Variants in ATP2C2 observed in about 807,000 individuals in gnomAD.
The protein encoded by ATP2C2 is calcium-transporting ATPase type 2C member 2.
A neutral mutation model predicts 110.8 loss-of-function variants in ATP2C2; 171 were observed. The ratio of observed to expected loss-of-function variants is 1.54; its 90% CI spans 1.36 to 1.75. ATP2C2 has a LOEUF of 1.75. Ranked by LOEUF, ATP2C2 falls within the 40% of genes most tolerant of loss-of-function variation. ATP2C2 has a pLI of 0.00. For missense variants in ATP2C2, 1,963 were observed against 1,235.0 expected (o/e 1.59, Z -8.84); for synonymous variants, 804 against 508.4 (o/e 1.58, Z -7.82).
chr16:84,433,200 T>G (rs1908431685), intron 11 of ATP2C2, among the ~76,000 whole-genome samples: 1 of 151,924 alleles, frequency 6.6e-6, no homozygotes, highest in Admixed American at 6.6e-5. Flanking sequence ...GACAACATAG[T>G]GAGACTGTCT....
chr16:84,434,727 A>C (rs1057288789), intron 11 of ATP2C2, among the ~76,000 whole-genome samples: 1 of 151,886 alleles, frequency 6.6e-6, no homozygotes, highest in Non-Finnish European at 1.5e-5. Context: ...CACGTTGGCC[A>C]GGCTAGTCTC....
At chr16:84,412,229 TTTTA>T (rs1906379206) in intron 6 of ATP2C2, among the ~76,000 whole-genome samples, 2 of 152,266 alleles carry the variant, frequency 1.3e-5, no homozygotes, top group African/African-American at 4.8e-5. Flanking sequence ...TTTTTTGCAT[TTTTA>T]TTTTTTAAAC....
intron 17 of ATP2C2, among the ~76,000 whole-genome samples, chr16:84,449,883 G>C (rs1910099830): frequency 6.6e-6 from 1 of 152,240 alleles, no homozygotes; most frequent in African/African-American, 2.4e-5. Flanking sequence ...CGTGGCACTG[G>C]CCTCTAAATC....
At chr16:84,458,561 T>A (rs11867004) in intron 21 of ATP2C2, among the ~76,000 whole-genome samples, 23,697 of 152,012 alleles carry the variant, frequency 0.16, 2,430 homozygotes, top group East Asian at 0.54. Context: ...TTCAAAATAT[T>A]TTAGTAAAAT....
At chr16:84,430,443 C>G (rs1908167908) in intron 11 of ATP2C2, among the ~76,000 whole-genome samples, 1 of 152,054 alleles carries the variant, frequency 6.6e-6, no homozygotes. Context: ...GAGTTTAAGA[C>G]CAGGTTGGCC....
chr16:84,460,996 C>T (rs563578921), intron 24 of ATP2C2, 195 bp downstream of exon 24: 59 of 752,226 alleles, frequency 7.8e-5, no homozygotes, highest in Non-Finnish European at 9.8e-5. Flanking sequence ...GAAGGGAGGT[C>T]GCCAGGTGTG....
At chr16:84,397,662 A>AAAAAAAAAACAAAAAAAAC (rs2151415973) in intron 1 of ATP2C2, among the ~76,000 whole-genome samples, 1 of 146,720 alleles carries the variant, frequency 6.8e-6, no homozygotes, top group African/African-American at 2.5e-5. Flanking sequence ...TGACAAAAAA[A>AAAAAAAAAACAAAAAAAAC]AAAAAAAAAA....
intron 11 of ATP2C2, among the ~76,000 whole-genome samples, chr16:84,426,546 G>C (rs185937515): frequency 1.5e-3 from 223 of 152,202 alleles, no homozygotes; most frequent in African/African-American, 5.2e-3. Context: ...AAAACTGGAG[G>C]TTCTGTGACC....
chr16:84,403,579 A>T (rs1905488974), intron 2 of ATP2C2, among the ~76,000 whole-genome samples: 1 of 152,152 alleles, frequency 6.6e-6, no homozygotes, highest in South Asian at 2.1e-4. Context: ...AAGTTTTGGG[A>T]TTACAGGTAT....
chr16:84,410,811 A>C (rs1249227112), intron 6 of ATP2C2, 46 bp downstream of exon 6: 1 of 1,563,196 alleles, frequency 6.4e-7, no homozygotes, highest in South Asian at 1.1e-5. Context: ...TGGAGGAGCC[A>C]GGGAGCTGGA....
chr16:84,374,872 C>T (rs1336222408), intron 1 of ATP2C2, among the ~76,000 whole-genome samples: 2 of 152,042 alleles, frequency 1.3e-5, no homozygotes, highest in Non-Finnish European at 2.9e-5. Context: ...TGCCACCCCA[C>T]CTAATAATCT....
chr16:84,377,448 C>G (rs1910313639), intron 1 of ATP2C2, among the ~76,000 whole-genome samples: 1 of 152,082 alleles, frequency 6.6e-6, no homozygotes, highest in Non-Finnish European at 1.5e-5. Context: ...TGTCTCAGTT[C>G]TGGAGGCCAG....
chr16:84,425,685 C>G, intron 10 of ATP2C2, 50 bp from the exon 11 acceptor site: 1 of 1,580,444 alleles, frequency 6.3e-7, no homozygotes, highest in Non-Finnish European at 8.7e-7. Flanking sequence ...CTCCAGGCAT[C>G]AGCGTGTGTA....
chr16:84,392,729 C>T (rs898730989), intron 1 of ATP2C2, among the ~76,000 whole-genome samples: 9 of 152,310 alleles, frequency 5.9e-5, no homozygotes, highest in African/African-American at 1.9e-4. Flanking sequence ...TCTCAAAGTG[C>T]TGGGATTACG....
rs377021203 is a variant in ATP2C2 at position 84,417,702 on chromosome 16, G to A, written c.624+2111G>A. On this transcript the variant is annotated intron_variant, in intron 7 of 26. Transcript: ENST00000262429. ...AGCCCAGGAGTTCAAGACCAGCCTGGGCAACATAGTGACACTCCATCTGTA... is the reference window on the plus strand; with the variant it reads ...AGCCCAGGAGTTCAAGACCAGCCTGAGCAACATAGTGACACTCCATCTGTA... 1.8e-3 allele frequency among the ~76,000 whole-genome samples: 268 copies of A among 152,254 alleles called. 3 individuals carry two copies. In the South Asian group the frequency reaches 0.023, roughly 13 times the overall value.
At chr16:84,446,741 G>T (rs1909787284) in intron 16 of ATP2C2, among the ~76,000 whole-genome samples, 1 of 152,152 alleles carries the variant, frequency 6.6e-6, no homozygotes, top group Non-Finnish European at 1.5e-5. Flanking sequence ...GTCCAGGGGT[G>T]GGACCCAGTA....
intron 1 of ATP2C2, among the ~76,000 whole-genome samples, chr16:84,392,164 C>G (rs1265730032): frequency 2.0e-5 from 3 of 152,148 alleles, no homozygotes; most frequent in Non-Finnish European, 2.9e-5. Flanking sequence ...GGGAGCCAAT[C>G]TTGACTCCTG....
At chr16:84,463,406 G>C (rs895433905) in intron 26 of ATP2C2, among the ~76,000 whole-genome samples, 1 of 152,136 alleles carries the variant, frequency 6.6e-6, no homozygotes, top group Non-Finnish European at 1.5e-5. Context: ...GAGCTGCCTG[G>C]TGTTTGCCTG....
chr16:84,382,797 C>G (rs1975948), intron 1 of ATP2C2, among the ~76,000 whole-genome samples: 151,077 of 152,144 alleles, frequency 0.99, 75,009 homozygotes, highest in Middle Eastern at 1. Flanking sequence ...TTGGGAGGCT[C>G]AGGCACCAGA....
Sources: allele counts gnomAD v4.1 joint callset (sites outside exome capture counted in the v4.1 genomes callset), GRCh38; gene constraint gnomAD v4.1.1; transcripts MANE v1.5; gene names NCBI Gene and HGNC (gene_info 2026-07-23, HGNC 2026-07-21).